CPEB3: variants seen among roughly 807,000 people sequenced by gnomAD.
The protein encoded by CPEB3 is cytoplasmic polyadenylation element binding protein 3.
A neutral mutation model predicts 67.2 loss-of-function variants in CPEB3; 20 were observed. That is an observed-to-expected ratio of 0.30 (90% CI 0.21 to 0.43). The LOEUF (loss-of-function observed/expected upper bound fraction) is 0.43, where lower values mean the gene tolerates loss of function less well. CPEB3 is among the 20% of genes least tolerant of loss of function. The pLI is 1.00. For synonymous variants in CPEB3, 376 were observed against 393.1 expected (o/e 0.96, Z 0.51); for missense variants, 746 against 968.6 (o/e 0.77, Z 3.05).
intron 2 of CPEB3, chr10:92,216,518 G>T: frequency 6.2e-7 from 1 of 1,612,906 alleles, no homozygotes; most frequent in South Asian, 1.1e-5. Context: ...GATTCGGCGC[G>T]GGGTGAAAGA....
intron 1 of CPEB3, among the ~76,000 whole-genome samples, chr10:92,258,625 AATATATATATATATATATATAT>A (rs56316802): frequency 0.09 from 2,948 of 32,822 alleles, 130 homozygotes; most frequent in South Asian, 0.12. Context: ...ATATTTTTTG[AATATATATATATATATATATAT>A]ATATATATAT....
intron 6 of CPEB3, among the ~76,000 whole-genome samples, chr10:92,132,654 G>A (rs1845898581): frequency 6.6e-6 from 1 of 152,148 alleles, no homozygotes; most frequent in Non-Finnish European, 1.5e-5. Flanking sequence ...ACTCGGCTCT[G>A]CACCAAGCAG....
At chr10:92,064,672 G>A (rs1842479737) in intron 9 of CPEB3, among the ~76,000 whole-genome samples, 1 of 152,084 alleles carries the variant, frequency 6.6e-6, no homozygotes, top group African/African-American at 2.4e-5. Context: ...TTGTCAGAAG[G>A]ACCTGACTCA....
chr10:92,199,391 C>CAAAA (rs61159896), intron 2 of CPEB3, among the ~76,000 whole-genome samples: 2 of 76,368 alleles, frequency 2.6e-5, no homozygotes, highest in Non-Finnish European at 5.0e-5. Flanking sequence ...AACTCTGTCT[C>CAAAA]AAAAAAAAAA....
chr10:92,203,889 C>T lies in CPEB3; in HGVS notation c.1006-11253G>A, dbSNP rs532217326. Among the ~76,000 whole-genome samples the T allele has an allele frequency of 1.2e-4, 19 of 152,282 alleles. No homozygotes were observed. The South Asian group carries it at 3.7e-3, about 30-fold the overall frequency. On this transcript the variant is annotated intron_variant, in intron 2 of 9. Transcript: ENST00000265997. ...CCTACTGCCAGTCAAATAACTAATGCCATCTATCATCACAACATGCACCTT... is the reference window on the plus strand; with the variant it reads ...CCTACTGCCAGTCAAATAACTAATGTCATCTATCATCACAACATGCACCTT...
intron 1 of CPEB3, among the ~76,000 whole-genome samples, chr10:92,261,431 C>A (rs1044828697): frequency 2.0e-5 from 3 of 151,904 alleles, no homozygotes; most frequent in Non-Finnish European, 4.4e-5. Context: ...GAAGGGGTCC[C>A]TTTTTCTGTT....
intron 4 of CPEB3, among the ~76,000 whole-genome samples, chr10:92,173,484 G>A (rs971931717): frequency 6.6e-6 from 1 of 152,060 alleles, no homozygotes; most frequent in African/African-American, 2.4e-5. Context: ...AGCATTCAGA[G>A]CATAAACAAG....
intron 1 of CPEB3, among the ~76,000 whole-genome samples, chr10:92,289,732 A>ATATATATAT (rs1554944314): frequency 9.2e-5 from 7 of 75,768 alleles, no homozygotes; most frequent in South Asian, 3.7e-4. Context: ...AAAAAAAAAA[A>ATATATATAT]ATATATATAT....
intron 6 of CPEB3, among the ~76,000 whole-genome samples, chr10:92,130,155 TC>T (rs1845779497): frequency 6.6e-6 from 1 of 151,676 alleles, no homozygotes. Flanking sequence ...GGAATTTGCT[TC>T]CCTACATGTT....
chr10:92,226,726 G>A (rs1850992927), intron 2 of CPEB3, among the ~76,000 whole-genome samples: 1 of 152,028 alleles, frequency 6.6e-6, no homozygotes, highest in Non-Finnish European at 1.5e-5. Context: ...AAGATGTGGG[G>A]AAAGAACAGA....
At chr10:92,283,952 T>A (rs1356913720) in intron 1 of CPEB3, among the ~76,000 whole-genome samples, 16 of 151,560 alleles carry the variant, frequency 1.1e-4, no homozygotes, top group Admixed American at 1.1e-3. Context: ...GGTCGCGAAC[T>A]CCTGACCTCA....
intron 4 of CPEB3, among the ~76,000 whole-genome samples, chr10:92,159,628 T>C (rs985392058): frequency 2.0e-5 from 3 of 150,240 alleles, no homozygotes; most frequent in Non-Finnish European, 3.0e-5. Context: ...GCCGAGATCA[T>C]GCCACTGCAC....
chr10:92,111,915 G>A (rs1844763513), intron 6 of CPEB3, among the ~76,000 whole-genome samples: 1 of 152,134 alleles, frequency 6.6e-6, no homozygotes, highest in South Asian at 2.1e-4. Context: ...GTGTGCTTTT[G>A]CCTGCTATTT....
intron 6 of CPEB3, chr10:92,137,458 C>T (rs751218753): frequency 2.3e-5 from 28 of 1,212,034 alleles, no homozygotes; most frequent in Non-Finnish European, 3.3e-5. Flanking sequence ...ATTCCAAAAG[C>T]TCAACAGCAA....
chr10:92,252,226 A>G (rs1852332962), intron 1 of CPEB3, among the ~76,000 whole-genome samples: 1 of 152,202 alleles, frequency 6.6e-6, no homozygotes, highest in Non-Finnish European at 1.5e-5. Flanking sequence ...AAAAGGCAGA[A>G]TAAAATCAGA....
At chr10:92,185,719 C>T (rs7094274) in intron 3 of CPEB3, among the ~76,000 whole-genome samples, 17,849 of 152,150 alleles carry the variant, frequency 0.12, 1,302 homozygotes, top group Middle Eastern at 0.2. Flanking sequence ...GTTAGTGCCA[C>T]GTTTCAGAAA....
intron 2 of CPEB3, among the ~76,000 whole-genome samples, chr10:92,194,026 G>A (rs1849113127): frequency 1.3e-5 from 2 of 151,804 alleles, no homozygotes; most frequent in South Asian, 4.2e-4. Flanking sequence ...TTGATCTCCT[G>A]ACCTCGTGAT....
intron 4 of CPEB3, among the ~76,000 whole-genome samples, chr10:92,150,939 G>A (rs1490205630): frequency 1.3e-5 from 2 of 152,178 alleles, no homozygotes; most frequent in South Asian, 4.1e-4. Flanking sequence ...AATGCTGCAA[G>A]TTGGCCATTT....
At chr10:92,150,814 T>C (rs1419594586) in intron 4 of CPEB3, among the ~76,000 whole-genome samples, 2 of 152,142 alleles carry the variant, frequency 1.3e-5, no homozygotes, top group Admixed American at 6.5e-5. Flanking sequence ...ACATTACTTA[T>C]CAAAAAATAT....
Sources: allele counts gnomAD v4.1 joint callset (sites outside exome capture counted in the v4.1 genomes callset), GRCh38; gene constraint gnomAD v4.1.1; transcripts MANE v1.5; gene names NCBI Gene and HGNC (gene_info 2026-07-23, HGNC 2026-07-21).